Variants in CSNK1D observed in about 807,000 individuals in gnomAD.
CSNK1D encodes casein kinase I isoform delta.
Under a neutral mutation model 46.6 loss-of-function variants are expected in CSNK1D, and 16 were observed. The observed-to-expected ratio is 0.34, with a 90% CI of 0.23 to 0.52. CSNK1D has a LOEUF of 0.52. Among genes scored for constraint, CSNK1D ranks in the 20% least tolerant of loss-of-function variants. CSNK1D has a pLI of 0.95. For missense variants in CSNK1D, 398 were observed against 578.4 expected (o/e 0.69, Z 3.20); for synonymous variants, 276 against 228.2 (o/e 1.21, Z -1.89).
intron 2 of CSNK1D, among the ~76,000 whole-genome samples, chr17:82,259,407 G>A (rs1381427439): frequency 6.6e-6 from 1 of 152,210 alleles, no homozygotes; most frequent in Non-Finnish European, 1.5e-5. Context: ...CCTCTGCCCT[G>A]CTGAAAACAG....
chr17:82,257,590 G>A (rs1451980124), intron 2 of CSNK1D, among the ~76,000 whole-genome samples: 1 of 152,220 alleles, frequency 6.6e-6, no homozygotes, highest in East Asian at 1.9e-4. Context: ...CCCGGCCAAT[G>A]ACTGACAGCC....
In CSNK1D at chr17:82,244,894, C is replaced by CTG; in HGVS notation, c.1198-64_1198-63insCA. 5 of 1,608,790 alleles carry CTG rather than the reference C, an allele frequency of 3.1e-6. No homozygotes were observed. In the South Asian group the frequency reaches 4.4e-5, roughly 14 times the overall value. ...GCTGGGGGAGCCGGCCAGGCAGATA[C>CTG]CACAGTGACGGTGCTGGGCAGGGAG... On this transcript the variant is annotated intron_variant, in intron 8 of 8. Coordinates refer to ENST00000314028, the MANE Select transcript of CSNK1D (RefSeq NM_001893.6).
chr17:82,244,142 A>G lies in CSNK1D; in HGVS notation c.*639T>C. On this transcript the variant is annotated 3_prime_UTR_variant, in exon 9 of 9. Coordinates refer to ENST00000314028, the MANE Select transcript of CSNK1D (RefSeq NM_001893.6). ...AAGAGGTCCCACCACACACGGGCAC[A>G]CACACACACCACGGACTTTTGATGA... 1 of 1,002,484 alleles carries G rather than the reference A, an allele frequency of 1.0e-6. No homozygotes were observed. The highest frequency in any genetic ancestry group is 4.1e-5 in the South Asian group (1 of 24,510). 62.1% of individuals were successfully genotyped at this position (1,002,484 alleles called of 1,614,324 possible).
At chr17:82,240,135 G>C (rs989143052), downstream of CSNK1D, 5 of 1,142,448 alleles carry the variant, frequency 4.4e-6, no homozygotes, top group Non-Finnish European at 5.5e-6. Context: ...CCTTGCGCCA[G>C]CTGGGCTTGA....
intron 2 of CSNK1D, among the ~76,000 whole-genome samples, chr17:82,258,902 C>T (rs2051253540): frequency 6.6e-6 from 1 of 152,236 alleles, no homozygotes; most frequent in Non-Finnish European, 1.5e-5. Flanking sequence ...ATCACGACAG[C>T]TTTATAGTAA....
rs1016626704 is a variant in CSNK1D at position 82,250,246 on chromosome 17, C to A, written c.886-644G>T. ...GGGCCTGCAAACTACAGCCCCGGGGCCAAACCCAGGTGCCACTTCTTCCTG... is the reference window on the plus strand; with the variant it reads ...GGGCCTGCAAACTACAGCCCCGGGGACAAACCCAGGTGCCACTTCTTCCTG... On this transcript the variant is annotated intron_variant, in intron 6 of 8. Transcript: ENST00000314028. The surrounding 1 kb of genome is among the most constrained non-coding windows in gnomAD (Gnocchi z 4.6). 2 of 1,280,110 alleles carry A rather than the reference C, an allele frequency of 1.6e-6. No homozygotes were observed. Among genetic ancestry groups the A allele is most frequent in the Middle Eastern group, 2.1e-4 (1 of 4,672 alleles). The allele number at this position is 1,280,110 out of a possible 1,614,324, so 79.3% of individuals were successfully genotyped here.
At chr17:82,267,232 C>T (rs907363518) in intron 1 of CSNK1D, among the ~76,000 whole-genome samples, 4 of 152,150 alleles carry the variant, frequency 2.6e-5, no homozygotes, top group Admixed American at 2.6e-4. Context: ...CTCGGTTTCT[C>T]TTGTCAATGG....
intron 2 of CSNK1D, among the ~76,000 whole-genome samples, chr17:82,256,185 T>C (rs904510354): frequency 6.6e-6 from 1 of 152,120 alleles, no homozygotes; most frequent in East Asian, 1.9e-4. Flanking sequence ...GATGGCTGCA[T>C]AGTATCAGTG....
intron 2 of CSNK1D, chr17:82,260,805 TCTA>T (rs1163750267): frequency 2.0e-5 from 3 of 153,328 alleles, no homozygotes; most frequent in Admixed American, 6.6e-5. Context: ...AGACTGATGG[TCTA>T]CTGAGTGATG....
intron 2 of CSNK1D, among the ~76,000 whole-genome samples, chr17:82,261,800 A>T (rs1043789972): frequency 6.6e-6 from 1 of 152,206 alleles, no homozygotes; most frequent in Non-Finnish European, 1.5e-5. Context: ...GTGTTGTACA[A>T]TATTTCACAA....
chr17:82,245,317 G>A (rs960733696), intron 8 of CSNK1D: 11 of 285,954 alleles, frequency 3.8e-5, no homozygotes, highest in Non-Finnish European at 7.5e-5. Context: ...CCGCCGAGGA[G>A]GGAGCACAGC....
Position 82,252,625 on chromosome 17 carries a change from C to T in CSNK1D, c.566-21G>A, listed in dbSNP as rs371562642. ...TTGTTCTGAAAAGAAAAGGGAAAGGCGTGAAGAACGGCACTTGCGTGCTCA... is the reference window on the plus strand; with the variant it reads ...TTGTTCTGAAAAGAAAAGGGAAAGGTGTGAAGAACGGCACTTGCGTGCTCA... On this transcript the variant is annotated intron_variant, in intron 4 of 8. Transcript: ENST00000314028. This position sits in a 1 kb window ranked among gnomAD's most constrained non-coding sequence, Gnocchi z 4.6. 1.9e-5 allele frequency: 31 copies of T among 1,611,136 alleles called. No homozygotes were observed. Among genetic ancestry groups the T allele is most frequent in the South Asian group, 7.7e-5 (7 of 90,956 alleles).
intron 3 of CSNK1D, chr17:82,254,178 G>GC (rs2051096252): frequency 3.9e-6 from 1 of 256,622 alleles, no homozygotes; most frequent in Non-Finnish European, 7.0e-6. Context: ...AGAAGCCAGT[G>GC]AGCTGAGCCG....
rs372063084 is a variant in CSNK1D at position 82,244,792 on chromosome 17, C to T, written c.1237G>A (p.Val413Met). Residue 413 changes from valine to methionine, a missense_variant, in exon 9 of 9, where the codon GTG becomes ATG. This residue lies in a region of CSNK1D where 181 missense variants were observed against 208.0 expected (regional missense o/e 0.87). Coordinates refer to ENST00000314028, the MANE Select transcript of CSNK1D (RefSeq NM_001893.6). Reference sequence around the variant, plus strand: ...AATAAGGAGAGTTCTCATCGGTGCACGACAGACTGAAGACCACTGGAAGCC... The same window carrying T: ...AATAAGGAGAGTTCTCATCGGTGCATGACAGACTGAAGACCACTGGAAGCC... ...RVASSGLQSV[V>M]HR 6 of 1,613,864 alleles carry T rather than the reference C, an allele frequency of 3.7e-6. No individual in the cohort carries two copies. The highest frequency in any genetic ancestry group is 1.3e-5 in the African/African-American group (1 of 74,926).
In CSNK1D at chr17:82,250,224, C is replaced by G. The variant is rs774688900; in HGVS notation, c.886-622G>C. ...AACTGCCAATGCTGTGCGGCAGGGG[C>G]CTGCAAACTACAGCCCCGGGGCCAA... On this transcript the variant is annotated intron_variant, in intron 6 of 8. Transcript: ENST00000314028. This position sits in a 1 kb window ranked among gnomAD's most constrained non-coding sequence, Gnocchi z 4.6. 2 of 1,289,590 alleles carry G rather than the reference C, an allele frequency of 1.6e-6. No homozygotes were observed. Among genetic ancestry groups the G allele is most frequent in the South Asian group, 2.5e-5 (2 of 81,018 alleles). The allele number at this position is 1,289,590 out of a possible 1,614,324, so 79.9% of individuals were successfully genotyped here.
chr17:82,248,756 A>G lies in CSNK1D; in HGVS notation c.1197+119T>C. 1 of 1,521,578 alleles carries G rather than the reference A, an allele frequency of 6.6e-7. No homozygotes were observed. Among genetic ancestry groups the G allele is most frequent in the Non-Finnish European group, 8.8e-7 (1 of 1,137,304 alleles). 94.3% of individuals were successfully genotyped at this position (1,521,578 alleles called of 1,614,324 possible). Reference sequence around the variant, plus strand: ...AAGACGCCACACCCTGGCGAGATTAAAAACTCTCAAAAATGGGGGGAAGAA... The same window carrying G: ...AAGACGCCACACCCTGGCGAGATTAGAAACTCTCAAAAATGGGGGGAAGAA... On this transcript the variant is annotated intron_variant, in intron 8 of 8. Coordinates refer to ENST00000314028, the MANE Select transcript of CSNK1D (RefSeq NM_001893.6). The surrounding 1 kb of genome is among the most constrained non-coding windows in gnomAD (Gnocchi z 4.1).
chr17:82,242,961 A>G lies in CSNK1D; in HGVS notation c.*1820T>C, dbSNP rs369725723. On this transcript the variant is annotated 3_prime_UTR_variant, in exon 9 of 9. Coordinates refer to ENST00000314028, the MANE Select transcript of CSNK1D (RefSeq NM_001893.6). ...GATATTTACAAAGCAAGCTTGCGCC[A>G]CTTCAGGCCACAGCGCGACGTCTCT... is the stretch of plus-strand genomic sequence containing the variant. The G allele has an allele frequency of 2.0e-6, 2 of 985,356 alleles. No individual in the cohort carries two copies. Among genetic ancestry groups the G allele is most frequent in the Non-Finnish European group, 2.4e-6 (2 of 829,868 alleles). 61.0% of individuals were successfully genotyped at this position (985,356 alleles called of 1,614,324 possible).
chr17:82,254,854 G>A (rs1409218969), intron 3 of CSNK1D, among the ~76,000 whole-genome samples: 3 of 136,538 alleles, frequency 2.2e-5, no homozygotes, highest in East Asian at 2.3e-4. Flanking sequence ...GCCTCGAGAA[G>A]CCAGTGTGCT....
chr17:82,243,694 G>A lies in CSNK1D; in HGVS notation c.*1087C>T. On this transcript the variant is annotated 3_prime_UTR_variant, in exon 9 of 9. Coordinates refer to ENST00000314028, the MANE Select transcript of CSNK1D (RefSeq NM_001893.6). ...CTTTTCTGAGCTAGTCTTGGCACGT[G>A]GCAAGGACAGCCCCGCTCCTGGTTT... 1.0e-6 allele frequency: 1 copy of A among 985,476 alleles called. No individual in the cohort carries two copies. Among genetic ancestry groups the A allele is most frequent in the Non-Finnish European group, 1.2e-6 (1 of 829,972 alleles). The allele number at this position is 985,476 out of a possible 1,614,324, so 61.0% of individuals were successfully genotyped here.
Sources: gnomAD v4.1 joint callset for allele counts (sites outside exome capture counted in the v4.1 genomes callset) on GRCh38, gnomAD v4.1.1 for gene constraint, gnomAD v4.1.1 regional missense constraint, Gnocchi (gnomAD v3.1) non-coding constraint, MANE v1.5 for transcripts, NCBI Gene and HGNC (gene_info 2026-07-23, HGNC 2026-07-21) for gene names.